RBFOX1: variants seen among roughly 807,000 people sequenced by gnomAD.
RBFOX1 encodes RNA binding protein fox-1 homolog 1.
A neutral mutation model predicts 57.7 loss-of-function variants in RBFOX1; 8 were observed. The observed-to-expected ratio is 0.14, with a 90% confidence interval of 0.08 to 0.25. The LOEUF (loss-of-function observed/expected upper bound fraction) is 0.25, where lower values mean the gene tolerates loss of function less well. Among genes scored for constraint, RBFOX1 ranks in the 10% least tolerant of loss-of-function variants. The pLI is 1.00. For missense variants in RBFOX1, 611 were observed against 548.5 expected (o/e 1.11, Z -1.14); for synonymous variants, 326 against 222.4 (o/e 1.47, Z -4.15).
chr16:7,187,977 C>A (rs372373595), intron 4 of RBFOX1, among the ~76,000 whole-genome samples: 1 of 152,142 alleles, frequency 6.6e-6, no homozygotes, highest in Admixed American at 6.6e-5. Flanking sequence ...GAACAAATCT[C>A]GAGAATGTAT....
intron 3 of RBFOX1, among the ~76,000 whole-genome samples, chr16:6,668,917 G>C (rs1031874567): frequency 1.3e-5 from 2 of 152,110 alleles, no homozygotes; most frequent in Non-Finnish European, 2.9e-5. Flanking sequence ...TTCAAAGATT[G>C]TTCTGTCATC....
intron 1 of RBFOX1, among the ~76,000 whole-genome samples, chr16:6,219,348 C>T (rs1180140790): frequency 6.6e-6 from 1 of 152,086 alleles, no homozygotes; most frequent in Non-Finnish European, 1.5e-5. Flanking sequence ...CTGCGGTCAC[C>T]AGGGCCCAGC....
At chr16:6,881,889 T>G (rs1011600445) in intron 3 of RBFOX1, among the ~76,000 whole-genome samples, 5 of 152,170 alleles carry the variant, frequency 3.3e-5, no homozygotes, top group African/African-American at 4.8e-5. Context: ...GTTTCACAGC[T>G]GGAGTTGCTG....
At chr16:7,020,764 T>C (rs1235966598) in intron 3 of RBFOX1, among the ~76,000 whole-genome samples, 1 of 152,094 alleles carries the variant, frequency 6.6e-6, no homozygotes, top group African/African-American at 2.4e-5. Context: ...GTGAAATCCC[T>C]GCATTCCCAC....
In RBFOX1 at chr16:5,520,899, C is replaced by T. The variant is rs527946507; in HGVS notation, c.258+53645C>T. ...AGAATGGGAATTGCCCACATGGGGTCTGCTCCTTCATTCTGGGTCCTGGAG... is the reference window on the plus strand; with the variant it reads ...AGAATGGGAATTGCCCACATGGGGTTTGCTCCTTCATTCTGGGTCCTGGAG... On this transcript the variant is annotated intron_variant, in intron 2 of 2. Coordinates refer to the RBFOX1 transcript ENST00000585867. Among the ~76,000 whole-genome samples, 4 of 152,288 alleles carry T rather than the reference C, an allele frequency of 2.6e-5. No individual in the cohort carries two copies. The South Asian group carries it at 8.3e-4, about 32-fold the overall frequency.
chr16:5,726,312 GCCTGACTTTC>G (rs777289876), intron 3 of RBFOX1, among the ~76,000 whole-genome samples: 16 of 151,908 alleles, frequency 1.1e-4, no homozygotes, highest in Non-Finnish European at 1.9e-4. Context: ...GATTTGTCAG[GCCTGACTTTC>G]TTTTCATGAA....
At chr16:6,030,783 T>C (rs373691078) in intron 1 of RBFOX1, among the ~76,000 whole-genome samples, 2 of 152,184 alleles carry the variant, frequency 1.3e-5, no homozygotes. Flanking sequence ...TTTCTCCTTT[T>C]AAAAAACATT....
chr16:5,692,735 G>A (rs1252768465), intron 3 of RBFOX1, among the ~76,000 whole-genome samples: 1 of 152,120 alleles, frequency 6.6e-6, no homozygotes, highest in Non-Finnish European at 1.5e-5. Flanking sequence ...GAGAATTCAA[G>A]CCAGCAAACC....
At chr16:6,536,841 C>G (rs8053442) in intron 2 of RBFOX1, among the ~76,000 whole-genome samples, 354 of 152,218 alleles carry the variant, frequency 2.3e-3, no homozygotes, top group African/African-American at 8.1e-3. Flanking sequence ...GCTTATTTTA[C>G]TCATGGGAAT....
At chr16:7,596,083 T>C (rs1239476267) in intron 8 of RBFOX1, among the ~76,000 whole-genome samples, 1 of 29,638 alleles carries the variant, frequency 3.4e-5, no homozygotes, top group Non-Finnish European at 7.3e-5. Context: ...AAAAAGATTG[T>C]TTTTTTGTTT....
At chr16:5,290,701 CTT>C (rs34357490) in intron 1 of RBFOX1, among the ~76,000 whole-genome samples, 106 of 145,294 alleles carry the variant, frequency 7.3e-4, no homozygotes, top group Middle Eastern at 3.5e-3. Flanking sequence ...ATTTAAGGGA[CTT>C]TTTTTTTTTT....
chr16:7,086,478 T>C (rs1021182896), intron 4 of RBFOX1, among the ~76,000 whole-genome samples: 3 of 152,160 alleles, frequency 2.0e-5, no homozygotes, highest in African/African-American at 7.2e-5. Context: ...CTCTCATTCA[T>C]GATGTGTTTC....
intron 2 of RBFOX1, among the ~76,000 whole-genome samples, chr16:6,537,512 T>C (rs2153827080): frequency 6.6e-6 from 1 of 152,308 alleles, no homozygotes; most frequent in Middle Eastern, 3.4e-3. Context: ...TACAGATGTT[T>C]AGTGATGTGA....
intron 2 of RBFOX1, among the ~76,000 whole-genome samples, chr16:6,371,987 C>G (rs574292272): frequency 3.9e-5 from 6 of 152,154 alleles, no homozygotes; most frequent in Non-Finnish European, 8.8e-5. Context: ...AGGAAGATGT[C>G]TGGTACAGAT....
At chr16:5,766,540 A>G (rs2053785428) in intron 3 of RBFOX1, among the ~76,000 whole-genome samples, 1 of 152,168 alleles carries the variant, frequency 6.6e-6, no homozygotes, top group Admixed American at 6.5e-5. Flanking sequence ...AGCCGAGATC[A>G]CATCACTGTA....
At chr16:6,179,987 T>C (rs1337012485) in intron 1 of RBFOX1, among the ~76,000 whole-genome samples, 1 of 152,198 alleles carries the variant, frequency 6.6e-6, no homozygotes, top group Non-Finnish European at 1.5e-5. Context: ...GATGATCATA[T>C]GGTGTATGTC....
intron 1 of RBFOX1, among the ~76,000 whole-genome samples, chr16:5,465,570 C>G (rs768498904): frequency 1.3e-5 from 2 of 152,156 alleles, no homozygotes; most frequent in Admixed American, 6.5e-5. Flanking sequence ...CAAATTGTGA[C>G]TGTAGGTCAA....
chr16:6,199,672 G>A (rs747731264), intron 1 of RBFOX1, among the ~76,000 whole-genome samples: 25 of 152,100 alleles, frequency 1.6e-4, no homozygotes, highest in South Asian at 4.1e-4. Flanking sequence ...ACCTGGTACC[G>A]TGCATTTCAA....
intron 3 of RBFOX1, among the ~76,000 whole-genome samples, chr16:6,793,843 G>A (rs1028054724): frequency 2.0e-5 from 3 of 152,118 alleles, no homozygotes; most frequent in Non-Finnish European, 4.4e-5. Context: ...TATTAAAGTG[G>A]AGGTCTGGTA....
Sources: gnomAD v4.1 joint callset for allele counts (sites outside exome capture counted in the v4.1 genomes callset) on GRCh38, gnomAD v4.1.1 for gene constraint, MANE v1.5 for transcripts, NCBI Gene and HGNC (gene_info 2026-07-23, HGNC 2026-07-21) for gene names.